CEP85: variants seen among roughly 807,000 people sequenced by gnomAD.
CEP85 encodes centrosomal protein 85.
In CEP85, 58 loss-of-function variants were observed where a neutral mutation model predicts 93.7. That is an observed-to-expected ratio of 0.62 (90% CI 0.50 to 0.77). CEP85 has a LOEUF of 0.77. Ranked by LOEUF, CEP85 falls within the 30% of genes least tolerant of loss-of-function variation. The pLI is 0.00. For missense variants in CEP85, 868 were observed against 922.0 expected, an observed-to-expected ratio of 0.94 and a Z score of 0.76; for synonymous variants, 314 against 338.6, an observed-to-expected ratio of 0.93 and a Z score of 0.80.
At chr1:26,251,292 C>T (rs2089611064) in intron 3 of CEP85, among the ~76,000 whole-genome samples, 1 of 131,770 alleles carries the variant, frequency 7.6e-6, no homozygotes, top group African/African-American at 2.9e-5. Flanking sequence ...GCTCTTGTTG[C>T]CCAGGCTGGA....
chr1:26,275,768 GTT>G (rs1159894005), intron 12 of CEP85, among the ~76,000 whole-genome samples: 2 of 152,180 alleles, frequency 1.3e-5, no homozygotes, highest in Admixed American at 1.3e-4. Context: ...ACCTCCTTGA[GTT>G]AGGATTGTCA....
intron 12 of CEP85, among the ~76,000 whole-genome samples, chr1:26,275,438 G>A (rs2090039983): frequency 6.6e-6 from 1 of 151,926 alleles, no homozygotes; most frequent in Non-Finnish European, 1.5e-5. Flanking sequence ...GCGCCACCAC[G>A]CCCGGCTAAT....
intron 1 of CEP85, among the ~76,000 whole-genome samples, chr1:26,235,060 G>C (rs1441771405): frequency 6.6e-6 from 1 of 152,226 alleles, no homozygotes; most frequent in Non-Finnish European, 1.5e-5. Flanking sequence ...GCGAGAAGGA[G>C]CTGGTGCTTT....
intron 1 of CEP85, among the ~76,000 whole-genome samples, chr1:26,237,760 G>T (rs192301708): frequency 6.6e-6 from 1 of 152,228 alleles, no homozygotes; most frequent in Admixed American, 6.5e-5. Context: ...TTCTGTCACC[G>T]TATTTTCAAC....
chr1:26,239,169 G>A (rs1054840146), intron 1 of CEP85, among the ~76,000 whole-genome samples: 14 of 152,206 alleles, frequency 9.2e-5, no homozygotes, highest in Admixed American at 3.3e-4. Context: ...AAGGGTTCTA[G>A]GACCGTATGG....
intron 4 of CEP85, among the ~76,000 whole-genome samples, chr1:26,257,328 T>C (rs1299075161): frequency 6.6e-6 from 1 of 152,230 alleles, no homozygotes; most frequent in Non-Finnish European, 1.5e-5. Flanking sequence ...TCCTAGCTCC[T>C]GGTTTGCCTC....
Position 26,244,215 on chromosome 1 carries a change from C to A in CEP85, c.105C>A (p.Thr35=). ...GTTCCCTGGGGACTGAATGGCAGAC[C>A]CCAGTTATCTCGGAGCCCTTTCGGA... ...KGSSLGTEWQ[T]PVISEPFRSR... is the part of the protein sequence containing the mutation. Residue 35 remains threonine (T), a synonymous_variant, in exon 3 of 14, where the codon ACC becomes ACA. Coordinates refer to ENST00000451429, the MANE Select transcript of CEP85 (RefSeq NM_001319944.2). 2 of 1,613,510 alleles carry A rather than the reference C, an allele frequency of 1.2e-6. No homozygotes were observed. The highest frequency in any genetic ancestry group is 1.7e-6 in the Non-Finnish European group (2 of 1,179,920).
At chr1:26,266,207 C>G (rs2089892496) in intron 7 of CEP85, among the ~76,000 whole-genome samples, 1 of 150,794 alleles carries the variant, frequency 6.6e-6, no homozygotes, top group African/African-American at 2.4e-5. Context: ...GAAACTCCAT[C>G]TAAAAAAAAA....
chr1:26,248,722 C>CTTTTTTTTTTTTTTTTTTTTTTTTTTTTT (rs573449499), intron 3 of CEP85, among the ~76,000 whole-genome samples: 2 of 56,212 alleles, frequency 3.6e-5, no homozygotes, highest in Non-Finnish European at 2.9e-5. Context: ...GTCTTGAACT[C>CTTTTTTTTTTTTTTTTTTTTTTTTTTTTT]TTTTTTTTTT....
At chr1:26,244,384 A>G (rs1312770141) in intron 3 of CEP85, 66 bp downstream of exon 3, 3 of 1,417,852 alleles carry the variant, frequency 2.1e-6, no homozygotes, top group African/African-American at 1.4e-5. Context: ...TTTTGGGTAT[A>G]TTGGCATTTC....
intron 7 of CEP85, among the ~76,000 whole-genome samples, chr1:26,261,719 A>C: frequency 2.2e-5 from 1 of 45,020 alleles, no homozygotes; most frequent in African/African-American, 5.9e-5. Context: ...ACATAGTGAG[A>C]CTCTCTTAAA....
Position 26,255,481 on chromosome 1 carries a change from A to G in CEP85, c.519A>G (p.Gln173=). 6.2e-7 allele frequency: 1 copy of G among 1,614,126 alleles called. No homozygotes were observed. Among genetic ancestry groups the G allele is most frequent in the South Asian group, 1.1e-5 (1 of 91,056 alleles). The change falls in exon 4 of 14, where the codon CAA becomes CAG. Residue 173 remains glutamine (Q), a synonymous_variant. Transcript: ENST00000451429. ...TTCCAGCAGTGGGCCATGAAAGACA[A>G]GAAGAGGCGAGGAAGTTTGATATTC... is the stretch of plus-strand genomic sequence containing the variant. ...SWFPAVGHER[Q]EEARKFDIPS...
At chr1:26,267,574 G>A (rs2089911371) in intron 7 of CEP85, among the ~76,000 whole-genome samples, 1 of 152,092 alleles carries the variant, frequency 6.6e-6, no homozygotes, top group Non-Finnish European at 1.5e-5. Flanking sequence ...AAAAAAGGGG[G>A]GTGGGATACA....
At chr1:26,238,480 G>A (rs1489571324) in intron 1 of CEP85, among the ~76,000 whole-genome samples, 2 of 151,872 alleles carry the variant, frequency 1.3e-5, no homozygotes, top group Non-Finnish European at 2.9e-5. Flanking sequence ...ACAGGCGTGA[G>A]CCACTGAGCC....
chr1:26,241,200 C>T (rs1390404954), intron 2 of CEP85, among the ~76,000 whole-genome samples: 7 of 146,428 alleles, frequency 4.8e-5, no homozygotes, highest in Admixed American at 4.8e-4. Context: ...GAGTAGGCAC[C>T]ATTATAAGCT....
rs1274721970 is a variant in CEP85 at position 26,255,201 on chromosome 1, T to G, written c.239T>G (p.Phe80Cys). 6.2e-7 allele frequency: 1 copy of G among 1,614,058 alleles called. No individual in the cohort carries two copies. Among genetic ancestry groups the G allele is most frequent in the African/African-American group, 1.3e-5 (1 of 75,020 alleles). ...DFCSSSGSPP[F>C]QPIKSHVTIP... ...TGCAGCTCAAGTGGCAGTCCTCCTT[T>G]CCAGCCCATCAAAAGCCACGTAACC... Residue 80 changes from phenylalanine (F) to cysteine (C), a missense_variant, in exon 4 of 14, where the codon TTC (phenylalanine) becomes TGC (cysteine). Coordinates refer to ENST00000451429, the MANE Select transcript of CEP85 (RefSeq NM_001319944.2).
intron 3 of CEP85, among the ~76,000 whole-genome samples, chr1:26,244,687 A>AT (rs1402869649): frequency 6.6e-6 from 1 of 151,918 alleles, no homozygotes; most frequent in Non-Finnish European, 1.5e-5. Flanking sequence ...TGGCTGGCTA[A>AT]TTTTTTGTGT....
At chr1:26,238,249 G>A (rs2089361216) in intron 1 of CEP85, among the ~76,000 whole-genome samples, 1 of 112,848 alleles carries the variant, frequency 8.9e-6, no homozygotes, top group East Asian at 2.6e-4. Flanking sequence ...CGCCCAGGCT[G>A]GAGTGCAATG....
At chr1:26,243,278 A>G (rs113001508) in intron 2 of CEP85, among the ~76,000 whole-genome samples, 2 of 151,790 alleles carry the variant, frequency 1.3e-5, no homozygotes, top group African/African-American at 4.8e-5. Flanking sequence ...ATTTGGAACT[A>G]TATGGTTATT....
Sources: allele counts gnomAD v4.1 joint callset (sites outside exome capture counted in the v4.1 genomes callset), GRCh38; gene constraint gnomAD v4.1.1; transcripts MANE v1.5; gene names NCBI Gene and HGNC (gene_info 2026-07-23, HGNC 2026-07-21).